ZNRF2: variants seen among roughly 807,000 people sequenced by gnomAD.
ZNRF2 encodes the protein zinc and ring finger 2, also known as E3 ubiquitin-protein ligase ZNRF2.
A neutral mutation model predicts 20.4 loss-of-function variants in ZNRF2; 16 were observed. That is an observed-to-expected ratio of 0.79 (90% CI 0.53 to 1.19). The LOEUF is 1.19. Among genes scored for constraint, ZNRF2 ranks in the 50% most tolerant of loss-of-function variants. ZNRF2 has a pLI of 0.00. For synonymous variants in ZNRF2, 178 were observed against 144.9 expected (o/e 1.23, Z -1.64); for missense variants, 363 against 332.4 (o/e 1.09, Z -0.72).
chr7:30,286,045 C>T (rs1192393088), intron 1 of ZNRF2, among the ~76,000 whole-genome samples: 4 of 152,234 alleles, frequency 2.6e-5, no homozygotes, highest in African/African-American at 4.8e-5. Flanking sequence ...TTTTAAACAT[C>T]CTGAGCACCC....
intron 1 of ZNRF2, among the ~76,000 whole-genome samples, chr7:30,298,139 T>G (rs189667192): frequency 1.3e-3 from 198 of 152,148 alleles, no homozygotes; most frequent in African/African-American, 4.6e-3. Context: ...TTAAAAATAG[T>G]TTTTTTTCAT....
In ZNRF2 at chr7:30,285,568, G is replaced by A. The variant is rs1798763759; in HGVS notation, c.211G>A (p.Ala71Thr). 1.0e-6 allele frequency: 1 copy of A among 980,404 alleles called. No individual in the cohort carries two copies. The highest frequency in any genetic ancestry group is 1.2e-4 in the East Asian group (1 of 8,618). 60.7% of individuals were successfully genotyped at this position (980,404 alleles called of 1,614,324 possible). A position where few individuals can be genotyped will look rare whatever the true frequency, so the allele number is the denominator to read the frequency against. Residue 71 changes from alanine to threonine, a missense_variant, in exon 1 of 5, where the codon GCC becomes ACC. Coordinates refer to ENST00000323037, the MANE Select transcript of ZNRF2 (RefSeq NM_147128.4). ...ASGGAAAAAAAPAAPAAPRSR... is the reference protein window; with the variant it reads ...ASGGAAAAAATPAAPAAPRSR... The stretch of plus-strand genomic sequence containing the variant: ...CGGCGGCGCCGCGGCGGCCGCGGCG[G>A]CCCCGGCAGCCCCGGCGGCCCCGCG...
chr7:30,332,563 C>T (rs1799652350), intron 2 of ZNRF2, among the ~76,000 whole-genome samples: 1 of 152,108 alleles, frequency 6.6e-6, no homozygotes, highest in Non-Finnish European at 1.5e-5. Context: ...TCTGTTGTTT[C>T]TATCTTTATG....
Position 30,339,519 on chromosome 7 carries a change from G to A in ZNRF2, c.565+15782G>A, listed in dbSNP as rs193148179. 3.0e-4 allele frequency among the ~76,000 whole-genome samples: 45 copies of A among 152,118 alleles called. 1 individual carries two copies. The highest frequency in any genetic ancestry group is 9.2e-4 in the African/African-American group (38 of 41,510). ...AGTTTTCCCAGCATCATTAAATAGG[G>A]AATCCTTTCCCCATTGCTTGTTTTT... On this transcript the variant is annotated intron_variant, in intron 2 of 4. Transcript: ENST00000323037.
chr7:30,289,897 C>T (rs1268282499), intron 1 of ZNRF2: 5 of 534,226 alleles, frequency 9.4e-6, no homozygotes, highest in Non-Finnish European at 1.5e-5. Flanking sequence ...CTCTTGCTCT[C>T]CTCCAATTTG....
intron 1 of ZNRF2, among the ~76,000 whole-genome samples, chr7:30,293,080 T>TA (rs1411519657): frequency 6.6e-6 from 1 of 152,100 alleles, no homozygotes; most frequent in Non-Finnish European, 1.5e-5. Context: ...AGATTCTGCA[T>TA]ATCCCGTGTT....
chr7:30,362,989 C>T (rs941210029), intron 4 of ZNRF2, among the ~76,000 whole-genome samples: 4 of 152,080 alleles, frequency 2.6e-5, no homozygotes, highest in Non-Finnish European at 5.9e-5. Context: ...GGCCTGGTGG[C>T]GGGTGCCTGT....
chr7:30,331,169 C>A (rs774104117), intron 2 of ZNRF2, among the ~76,000 whole-genome samples: 1 of 152,142 alleles, frequency 6.6e-6, no homozygotes, highest in Non-Finnish European at 1.5e-5. Context: ...TAAACCCATA[C>A]AGGATTCCTG....
intron 1 of ZNRF2, 147 bp downstream of exon 1, chr7:30,285,973 C>G (rs1172182778): frequency 7.6e-7 from 1 of 1,318,284 alleles, no homozygotes; most frequent in Non-Finnish European, 9.7e-7. Context: ...CGGTCTCCAT[C>G]CTGGAAGAAA....
intron 1 of ZNRF2, among the ~76,000 whole-genome samples, chr7:30,302,960 G>A (rs747635156): frequency 5.9e-5 from 9 of 152,152 alleles, no homozygotes; most frequent in Non-Finnish European, 1.2e-4. Flanking sequence ...AACGGAGCAA[G>A]TTTGTAACCT....
At chr7:30,346,170 A>ATTTTTTTTTTTTTTTTT (rs70980598) in intron 2 of ZNRF2, among the ~76,000 whole-genome samples, 2 of 23,704 alleles carry the variant, frequency 8.4e-5, no homozygotes, top group Non-Finnish European at 9.8e-5. Context: ...GTTAAGTCTG[A>ATTTTTTTTTTTTTTTTT]TTTTTTTTTT....
intron 1 of ZNRF2, among the ~76,000 whole-genome samples, chr7:30,318,060 G>A (rs888737757): frequency 2.0e-5 from 3 of 152,202 alleles, no homozygotes; most frequent in African/African-American, 7.2e-5. Context: ...ATTGAGATCA[G>A]ATGGAGTGGA....
At chr7:30,320,584 G>C (rs1010253776) in intron 1 of ZNRF2, among the ~76,000 whole-genome samples, 3 of 152,034 alleles carry the variant, frequency 2.0e-5, no homozygotes, top group Non-Finnish European at 4.4e-5. Flanking sequence ...AATGAAACTC[G>C]GTGGTGCTGA....
intron 2 of ZNRF2, among the ~76,000 whole-genome samples, chr7:30,341,436 GT>G (rs1354763667): frequency 2.0e-5 from 3 of 152,050 alleles, no homozygotes; most frequent in African/African-American, 7.2e-5. Context: ...AGTACGTTGT[GT>G]TTTTGTTCTC....
chr7:30,346,169 GATTTTTTTTTT>G (rs1799875081), intron 2 of ZNRF2, among the ~76,000 whole-genome samples: 1 of 29,618 alleles, frequency 3.4e-5, no homozygotes, highest in Non-Finnish European at 7.8e-5. Context: ...TGTTAAGTCT[GATTTTTTTTTT>G]TTTTTTTTTT....
chr7:30,291,107 C>T (rs770617376), intron 1 of ZNRF2, among the ~76,000 whole-genome samples: 1 of 152,026 alleles, frequency 6.6e-6, no homozygotes, highest in Non-Finnish European at 1.5e-5. Context: ...AGAAGTTGTA[C>T]GGAGAGAGGG....
intron 1 of ZNRF2, among the ~76,000 whole-genome samples, chr7:30,315,723 G>GGGGT (rs1276594580): frequency 6.1e-5 from 6 of 99,038 alleles, no homozygotes; most frequent in African/African-American, 1.7e-4. Flanking sequence ...AGAAAAAGGT[G>GGGGT]GGGCGGGGGG....
In ZNRF2 at chr7:30,285,466, G is replaced by A. The variant is rs1308820217; in HGVS notation, c.109G>A (p.Gly37Ser). 2 of 1,120,492 alleles carry A rather than the reference G, an allele frequency of 1.8e-6. No individual in the cohort carries two copies. Among genetic ancestry groups the A allele is most frequent in the Non-Finnish European group, 2.2e-6 (2 of 915,478 alleles). 69.4% of individuals were successfully genotyped at this position (1,120,492 alleles called of 1,614,324 possible). Residue 37 changes from glycine (G) to serine (S), a missense_variant, in exon 1 of 5, where the codon GGC becomes AGC. This residue lies in a region of ZNRF2 where 302 missense variants were observed against 231.5 expected (regional missense o/e 1.30). Transcript: ENST00000323037. ...SSGGANGTAG[G>S]GGGARAAAAG... ...CGGAGGCGCCAATGGGACCGCGGGC[G>A]GCGGCGGGGGCGCTCGGGCCGCCGC...
chr7:30,348,677 G>C (rs1204787253), intron 2 of ZNRF2, among the ~76,000 whole-genome samples: 1 of 152,062 alleles, frequency 6.6e-6, no homozygotes, highest in African/African-American at 2.4e-5. Context: ...CTTTTTGATA[G>C]GACTACATGT....
Sources: allele counts gnomAD v4.1 joint callset (sites outside exome capture counted in the v4.1 genomes callset), GRCh38; gene constraint gnomAD v4.1.1; regional missense constraint gnomAD v4.1.1; transcripts MANE v1.5; gene names NCBI Gene and HGNC (gene_info 2026-07-23, HGNC 2026-07-21).